Variants in PPP4R3A observed in about 807,000 individuals in gnomAD.
PPP4R3A encodes serine/threonine-protein phosphatase 4 regulatory subunit 3A.
Under a neutral mutation model 91.7 loss-of-function variants are expected in PPP4R3A, and 15 were observed. The observed-to-expected ratio is 0.16, with a 90% confidence interval of 0.11 to 0.25. The LOEUF (loss-of-function observed/expected upper bound fraction) is 0.25, where lower values mean the gene tolerates loss of function less well. Ranked by LOEUF, PPP4R3A falls within the 10% of genes least tolerant of loss-of-function variation. PPP4R3A has a pLI of 1.00. For missense variants in PPP4R3A, 623 were observed against 998.4 expected (o/e 0.62, Z 5.07); for synonymous variants, 377 against 348.7 (o/e 1.08, Z -0.91).
intron 1 of PPP4R3A, among the ~76,000 whole-genome samples, chr14:91,500,274 C>A (rs568831711): frequency 4.6e-5 from 7 of 152,100 alleles, no homozygotes; most frequent in Non-Finnish European, 1.0e-4. Context: ...GATCTCGGCT[C>A]ACTGCAACCT....
rs1178082165 is a variant in PPP4R3A, at chr14:91,458,241, A to C, written c.*518T>G. On this transcript the variant is annotated 3_prime_UTR_variant, in exon 15 of 15. Coordinates refer to ENST00000554943, the MANE Select transcript of PPP4R3A (RefSeq NM_001366432.2). ...AAGGGAACAGTTAAAAAAGAGGAAA[A>C]CTTTATACTCGCCCCTCCCCCACAG... The C allele has an allele frequency of 6.4e-6, 1 of 155,250 alleles. No individual in the cohort carries two copies. Among genetic ancestry groups the C allele is most frequent in the African/African-American group, 2.4e-5 (1 of 41,410 alleles). The allele number at this position is 155,250 out of a possible 1,614,324, so 9.6% of individuals were successfully genotyped here. A position where few individuals can be genotyped will look rare whatever the true frequency, so the allele number is the denominator to read the frequency against.
intron 9 of PPP4R3A, among the ~76,000 whole-genome samples, chr14:91,471,536 TC>T (rs1888832519): frequency 6.6e-6 from 1 of 152,228 alleles, no homozygotes; most frequent in African/African-American, 2.4e-5. Flanking sequence ...AGGCTTTTTT[TC>T]ATTCCCCCAC....
chr14:91,498,781 G>A (rs1168856343), intron 1 of PPP4R3A, among the ~76,000 whole-genome samples: 1 of 151,946 alleles, frequency 6.6e-6, no homozygotes, highest in Non-Finnish European at 1.5e-5. Context: ...AGGCGTGGTG[G>A]TGGGCGCCTG....
chr14:91,509,485 G>A, intron 1 of PPP4R3A, 21 bp downstream of exon 1: 3 of 1,571,004 alleles, frequency 1.9e-6, no homozygotes, highest in Non-Finnish European at 2.6e-6. Flanking sequence ...CGAGGGTCCC[G>A]CCGCGCGGGG....
chr14:91,470,703 A>G (rs1888780391), intron 10 of PPP4R3A, 134 bp downstream of exon 10: 2 of 967,542 alleles, frequency 2.1e-6, no homozygotes, highest in Non-Finnish European at 3.1e-6. Flanking sequence ...GCAAACCTGC[A>G]TAATCAGTGG....
At position 91,479,079 on chromosome 14, in the gene PPP4R3A, T is replaced by C. The variant is rs1889379904; in HGVS notation, c.916-2093A>G. On this transcript the variant is annotated intron_variant, in intron 4 of 14. Coordinates refer to ENST00000554943, the MANE Select transcript of PPP4R3A (RefSeq NM_001366432.2). ...CAGGCATGTGCCTCTGCCTCCTGGA[T>C]TCAAGCGATTCTCCTGCCTCATTCT... 2.6e-5 allele frequency among the ~76,000 whole-genome samples: 4 copies of C among 152,106 alleles called. No homozygotes were observed. The South Asian group carries it at 8.3e-4, about 32-fold the overall frequency.
intron 1 of PPP4R3A, among the ~76,000 whole-genome samples, chr14:91,499,577 A>T (rs1046631789): frequency 4.6e-5 from 7 of 151,990 alleles, no homozygotes; most frequent in African/African-American, 2.4e-5. Flanking sequence ...AAGAAAAAAT[A>T]TAAGAAAGGC....
rs4904784 is a variant in PPP4R3A at position 91,462,589 on chromosome 14, T to C, written c.1973+146A>G. Reference sequence around the variant, plus strand: ...CCTAATCTTCAGGGAAACATTTATGTTGACCCTTACAGGAAGCTACAATTT... The same window carrying C: ...CCTAATCTTCAGGGAAACATTTATGCTGACCCTTACAGGAAGCTACAATTT... On this transcript the variant is annotated intron_variant, in intron 12 of 14. Coordinates refer to ENST00000554943, the MANE Select transcript of PPP4R3A (RefSeq NM_001366432.2). 0.86 allele frequency: 757,014 copies of C among 881,190 alleles called. 326,242 individuals carry two copies. The highest frequency in any genetic ancestry group is 0.97 in the East Asian group (38,442 of 39,542). 54.6% of individuals were successfully genotyped at this position (881,190 alleles called of 1,614,324 possible). A position where few individuals can be genotyped will look rare whatever the true frequency, so the allele number is the denominator to read the frequency against.
chr14:91,458,885 G>T lies in PPP4R3A; in HGVS notation c.2392-16C>A, dbSNP rs528395708. 1 of 1,582,974 alleles carries T rather than the reference G, an allele frequency of 6.3e-7. No homozygotes were observed. Among genetic ancestry groups the T allele is most frequent in the Non-Finnish European group, 8.6e-7 (1 of 1,166,136 alleles). ...CGAGGCCTCCCTGTTAAGAAATAAGGATTATTTAAAGAACAGAAAATAAAA... is the reference window on the plus strand; with the variant it reads ...CGAGGCCTCCCTGTTAAGAAATAAGTATTATTTAAAGAACAGAAAATAAAA... On this transcript the variant is annotated splice_polypyrimidine_tract_variant and intron_variant, in intron 14 of 14. Transcript: ENST00000554943.
At chr14:91,491,239 T>C (rs1477729665) in intron 1 of PPP4R3A, among the ~76,000 whole-genome samples, 4 of 151,644 alleles carry the variant, frequency 2.6e-5, no homozygotes, top group Admixed American at 6.6e-5. Context: ...TTTTCACTTT[T>C]TGTAGAGATA....
intron 6 of PPP4R3A, 21 bp from the exon 7 acceptor site, chr14:91,475,987 T>C: frequency 6.6e-7 from 1 of 1,518,572 alleles, no homozygotes; most frequent in South Asian, 1.4e-5. Flanking sequence ...AAAACATTTA[T>C]TTTTCCTGTA....
intron 1 of PPP4R3A, among the ~76,000 whole-genome samples, chr14:91,506,242 C>T (rs549697841): frequency 7.9e-5 from 12 of 152,234 alleles, no homozygotes; most frequent in South Asian, 4.1e-4. Flanking sequence ...CCATTGTGCC[C>T]GGCCGAAAAT....
intron 7 of PPP4R3A, 140 bp from the exon 8 acceptor site, chr14:91,473,510 C>G: frequency 4.6e-6 from 4 of 872,574 alleles, no homozygotes; most frequent in Non-Finnish European, 6.8e-6. Flanking sequence ...ACTCAGTTAT[C>G]TGACAGGACA....
In PPP4R3A at chr14:91,509,750, G is replaced by A; in HGVS notation, c.-103C>T. 1.5e-6 allele frequency: 2 copies of A among 1,363,850 alleles called. No individual in the cohort carries two copies. Among genetic ancestry groups the A allele is most frequent in the Non-Finnish European group, 9.4e-7 (1 of 1,066,216 alleles). 84.5% of individuals were successfully genotyped at this position (1,363,850 alleles called of 1,614,324 possible). On this transcript the variant is annotated 5_prime_UTR_variant, in exon 1 of 15. Transcript: ENST00000554943. ...GCGTGAGGGCGCCCGCGAGCGGAGG[G>A]CTCCCCGGCCTCACTGCCGCCGCTG...
chr14:91,482,042 G>A lies in PPP4R3A; in HGVS notation c.449C>T (p.Ser150Phe). The change falls in exon 4 of 15, where the codon TCT becomes TTT. Residue 150 changes from serine (S) to phenylalanine (F), a missense_variant. Coordinates refer to ENST00000554943, the MANE Select transcript of PPP4R3A (RefSeq NM_001366432.2). The part of the protein sequence containing the change: ...LEEIAELVAS[S>F]LPSPLRREKL... ...TTCACGACGAAGAGGTGAAGGTAAA[G>A]ATGATGCCACAAGTTCTGCAATTTC... is the stretch of plus-strand genomic sequence containing the variant. The A allele has an allele frequency of 6.2e-7, 1 of 1,614,018 alleles. No individual in the cohort carries two copies. Among genetic ancestry groups the A allele is most frequent in the Non-Finnish European group, 8.5e-7 (1 of 1,180,020 alleles).
At chr14:91,463,682 T>C (rs1033024605) in intron 11 of PPP4R3A, among the ~76,000 whole-genome samples, 4 of 150,422 alleles carry the variant, frequency 2.7e-5, no homozygotes, top group African/African-American at 9.8e-5. Flanking sequence ...AAAGCAATCC[T>C]CCCACTTTGG....
chr14:91,501,085 T>C (rs955821104), intron 1 of PPP4R3A, among the ~76,000 whole-genome samples: 23 of 152,158 alleles, frequency 1.5e-4, no homozygotes, highest in Admixed American at 1.1e-3. Flanking sequence ...ACAGCTTTTA[T>C]TCATCTGGAA....
intron 7 of PPP4R3A, among the ~76,000 whole-genome samples, chr14:91,473,835 G>A (rs1318683596): frequency 8.4e-5 from 10 of 118,900 alleles, no homozygotes; most frequent in South Asian, 5.3e-4. Context: ...GCAATGGCAC[G>A]ATCTCGTCTT....
At chr14:91,499,334 A>G (rs1442082454) in intron 1 of PPP4R3A, among the ~76,000 whole-genome samples, 1 of 152,136 alleles carries the variant, frequency 6.6e-6, no homozygotes, top group Admixed American at 6.6e-5. Context: ...TGAGAAAAAA[A>G]GTTCGAGGAA....
Sources: gnomAD v4.1 joint callset for allele counts (sites outside exome capture counted in the v4.1 genomes callset) on GRCh38, gnomAD v4.1.1 for gene constraint, MANE v1.5 for transcripts, NCBI Gene and HGNC (gene_info 2026-07-23, HGNC 2026-07-21) for gene names.